ARHGAP31: variants seen among roughly 807,000 people sequenced by gnomAD.
ARHGAP31 encodes rho GTPase-activating protein 31.
In ARHGAP31, 34 loss-of-function variants were observed where a neutral mutation model predicts 113.9. The observed-to-expected ratio is 0.30, with a 90% CI of 0.23 to 0.40. The LOEUF (loss-of-function observed/expected upper bound fraction) is 0.40. Among genes scored for constraint, ARHGAP31 ranks in the 10% least tolerant of loss-of-function variants. ARHGAP31 has a pLI of 1.00. For missense variants in ARHGAP31, 1,548 were observed against 1,767.1 expected (o/e 0.88, Z 2.22); for synonymous variants, 650 against 684.8 (o/e 0.95, Z 0.79).
chr3:119,389,090 G>A (rs2080479916), intron 6 of ARHGAP31, among the ~76,000 whole-genome samples: 1 of 152,132 alleles, frequency 6.6e-6, no homozygotes, highest in South Asian at 2.1e-4. Flanking sequence ...GAACCCAGGA[G>A]TCGGAGGTTG....
chr3:119,417,606 C>T lies in ARHGAP31; in HGVS notation c.*1342C>T, dbSNP rs2080789273. On this transcript the variant is annotated 3_prime_UTR_variant, in exon 12 of 12. Coordinates refer to ENST00000264245, the MANE Select transcript of ARHGAP31 (RefSeq NM_020754.4). ...TAAAAAATAACAGACTTGAGGAACCCCTCTCCCTTCCATAATTCCCCTCAT... is the reference window on the plus strand; with the variant it reads ...TAAAAAATAACAGACTTGAGGAACCTCTCTCCCTTCCATAATTCCCCTCAT... The T allele has an allele frequency of 6.6e-6, 1 of 151,810 alleles. No homozygotes were observed. The allele number at this position is 151,810 out of a possible 1,614,324, so 9.4% of individuals were successfully genotyped here.
intron 1 of ARHGAP31, among the ~76,000 whole-genome samples, chr3:119,328,254 A>G (rs2079862694): frequency 6.6e-6 from 1 of 152,166 alleles, no homozygotes; most frequent in African/African-American, 2.4e-5. Context: ...AAGAGGGGGG[A>G]AAACCGAATC....
intron 10 of ARHGAP31, 65 bp from the exon 11 acceptor site, chr3:119,409,431 G>A: frequency 6.3e-7 from 1 of 1,585,254 alleles, no homozygotes; most frequent in Non-Finnish European, 8.6e-7. Flanking sequence ...GACAGTGACT[G>A]TGTTGGGAAG....
At chr3:119,302,829 G>T (rs73854465) in intron 1 of ARHGAP31, among the ~76,000 whole-genome samples, 113 of 152,266 alleles carry the variant, frequency 7.4e-4, no homozygotes, top group African/African-American at 2.6e-3. Context: ...AAGTGATTTT[G>T]CTCCCTTTGC....
At position 119,371,698 on chromosome 3, in the gene ARHGAP31, T is replaced by C. The variant is rs529271056; in HGVS notation, c.348+3182T>C. On this transcript the variant is annotated intron_variant, in intron 3 of 11. Coordinates refer to ENST00000264245, the MANE Select transcript of ARHGAP31 (RefSeq NM_020754.4). ...TCAGGGTACATGTTCAGGTTTGTTATATAGGTAAACTTGTGTCACGGGGGT... is the reference window on the plus strand; with the variant it reads ...TCAGGGTACATGTTCAGGTTTGTTACATAGGTAAACTTGTGTCACGGGGGT... Among the ~76,000 whole-genome samples the C allele has an allele frequency of 3.9e-5, 6 of 152,308 alleles. No homozygotes were observed. The South Asian group carries it at 1.2e-3, about 32-fold the overall frequency.
At chr3:119,413,714 A>T in intron 11 of ARHGAP31, 142 bp from the exon 12 acceptor site, 1 of 1,129,032 alleles carries the variant, frequency 8.9e-7, no homozygotes, top group Non-Finnish European at 1.3e-6. Flanking sequence ...TCAAATAGCC[A>T]CAGGTATTAT....
At chr3:119,368,077 G>A (rs996902741) in intron 2 of ARHGAP31, among the ~76,000 whole-genome samples, 8 of 152,046 alleles carry the variant, frequency 5.3e-5, no homozygotes, top group Non-Finnish European at 8.8e-5. Flanking sequence ...AAATTATGTT[G>A]ATATTTCCCC....
chr3:119,328,839 A>T (rs2079868041), intron 1 of ARHGAP31, among the ~76,000 whole-genome samples: 1 of 152,092 alleles, frequency 6.6e-6, no homozygotes, highest in Non-Finnish European at 1.5e-5. Context: ...ATGGGATTTC[A>T]CCTTGTTGGC....
chr3:119,332,635 T>TCTCTCTCTCTCTCACA (rs1403595583), intron 1 of ARHGAP31, among the ~76,000 whole-genome samples: 3 of 85,666 alleles, frequency 3.5e-5, no homozygotes, highest in African/African-American at 5.4e-5. Context: ...TCTCTCTCTC[T>TCTCTCTCTCTCTCACA]CACACACACA....
intron 10 of ARHGAP31, 21 bp from the exon 11 acceptor site, chr3:119,409,475 T>C (rs748181258): frequency 6.2e-7 from 1 of 1,613,902 alleles, no homozygotes; most frequent in Non-Finnish European, 8.5e-7. Flanking sequence ...CTTTAACTGA[T>C]AACTCTCATT....
intron 5 of ARHGAP31, 106 bp from the exon 6 acceptor site, chr3:119,382,978 T>C (rs924797798): frequency 7.3e-6 from 10 of 1,371,614 alleles, no homozygotes; most frequent in Non-Finnish European, 1.0e-5. Context: ...CTATGAACTG[T>C]ATCAATTTAG....
intron 6 of ARHGAP31, among the ~76,000 whole-genome samples, chr3:119,387,672 T>G (rs1162947132): frequency 1.3e-5 from 2 of 152,152 alleles, no homozygotes; most frequent in African/African-American, 4.8e-5. Flanking sequence ...GATTGTGATA[T>G]CTCTAATATT....
chr3:119,306,567 T>G (rs1192919963), intron 1 of ARHGAP31, among the ~76,000 whole-genome samples: 1 of 151,978 alleles, frequency 6.6e-6, no homozygotes, highest in African/African-American at 2.4e-5. Context: ...AAAAAAAAAG[T>G]TTTCAAACGG....
Position 119,294,655 on chromosome 3 carries a change from CG to C in ARHGAP31, c.-248del, listed in dbSNP as rs1305380301. ...GAGGAAGTGACACTCCCAGGCGAGC[CG>C]GCCCGCGGCTGCCAGTCTGCACGGC... On this transcript the variant is annotated 5_prime_UTR_variant, in exon 1 of 12. Coordinates refer to ENST00000264245, the MANE Select transcript of ARHGAP31 (RefSeq NM_020754.4). 5 of 562,748 alleles carry C rather than the reference CG, an allele frequency of 8.9e-6. 1 individual carries two copies. The highest frequency in any genetic ancestry group is 1.5e-5 in the Non-Finnish European group (5 of 323,436). 34.9% of individuals were successfully genotyped at this position (562,748 alleles called of 1,614,324 possible).
chr3:119,377,083 T>C (rs945269146), intron 3 of ARHGAP31, among the ~76,000 whole-genome samples: 3 of 152,234 alleles, frequency 2.0e-5, no homozygotes, highest in African/African-American at 7.2e-5. Context: ...GTTTAGCTTT[T>C]TCAAGCACAA....
chr3:119,387,123 C>T (rs189052573), intron 6 of ARHGAP31, among the ~76,000 whole-genome samples: 168 of 152,246 alleles, frequency 1.1e-3, no homozygotes, highest in African/African-American at 3.5e-3. Flanking sequence ...CCCCCTTTCC[C>T]GGTCTGCTAA....
intron 1 of ARHGAP31, among the ~76,000 whole-genome samples, chr3:119,316,566 A>G (rs1427593492): frequency 6.6e-6 from 1 of 152,196 alleles, no homozygotes; most frequent in Non-Finnish European, 1.5e-5. Flanking sequence ...CCTGAGCTGG[A>G]GTGAGCTTGA....
At chr3:119,401,784 C>T (rs1208989187) in intron 9 of ARHGAP31, 38 bp from the exon 10 acceptor site, 1 of 1,596,712 alleles carries the variant, frequency 6.3e-7, no homozygotes, top group African/African-American at 1.3e-5. Flanking sequence ...TGTATGTGTG[C>T]CCCGGCTGCT....
intron 1 of ARHGAP31, among the ~76,000 whole-genome samples, chr3:119,352,980 G>C (rs1356410863): frequency 6.6e-6 from 1 of 152,184 alleles, no homozygotes; most frequent in African/African-American, 2.4e-5. Flanking sequence ...AAAAGAAAGT[G>C]TATGACATTT....
Sources: allele counts gnomAD v4.1 joint callset (sites outside exome capture counted in the v4.1 genomes callset), GRCh38; gene constraint gnomAD v4.1.1; transcripts MANE v1.5; gene names NCBI Gene and HGNC (gene_info 2026-07-23, HGNC 2026-07-21).